NBPF14: variants seen among roughly 807,000 people sequenced by gnomAD.
NBPF14 encodes NBPF family member NBPF14.
NBPF14 carries 104 observed loss-of-function variants against 91.2 expected under a neutral mutation model. The observed-to-expected ratio is 1.14, with a 90% CI of 0.97 to 1.34. NBPF14 has a LOEUF of 1.34. Ranked by LOEUF, NBPF14 falls within the 40% of genes most tolerant of loss-of-function variation. The pLI is 0.00. For synonymous variants in NBPF14, 294 were observed against 303.8 expected, an observed-to-expected ratio of 0.97 and a Z score of 0.34; for missense variants, 908 against 783.0, an observed-to-expected ratio of 1.16 and a Z score of -1.91.
At chr1:148,581,820 A>G (rs1661011055) in intron 12 of NBPF14, among the ~76,000 whole-genome samples, 1 of 149,988 alleles carries the variant, frequency 6.7e-6, no homozygotes, top group Non-Finnish European at 1.5e-5. Context: ...TTCACACATA[A>G]CAATATTAAC....
intron 11 of NBPF14, among the ~76,000 whole-genome samples, chr1:148,583,588 A>C (rs1182064822): frequency 1.1e-3 from 11 of 9,770 alleles, no homozygotes; most frequent in Admixed American, 1.8e-3. Context: ...CTGATAGATA[A>C]ATTTGAACAA....
Position 148,557,659 on chromosome 1 carries a change from T to C in NBPF14, c.4955-117A>G, listed in dbSNP as rs1195321496. The C allele has an allele frequency of 9.8e-6, 6 of 612,458 alleles. 1 individual carries two copies. The highest frequency in any genetic ancestry group is 5.4e-5 in the African/African-American group (2 of 36,898). 37.9% of individuals were successfully genotyped at this position (612,458 alleles called of 1,614,324 possible). On this transcript the variant is annotated intron_variant, in intron 39 of 70. Transcript: ENST00000619423. ...GCTCCTCAGCATGAGAACAGGACCA[T>C]GTGAGAGATATACTTCAGGAGGCCT...
Position 148,572,428 on chromosome 1 carries a change from C to A in NBPF14, c.2758+15G>T, listed in dbSNP as rs1173366246. 6.4e-6 allele frequency: 3 copies of A among 467,656 alleles called. No homozygotes were observed. Among genetic ancestry groups the A allele is most frequent in the Non-Finnish European group, 1.1e-5 (3 of 277,394 alleles). The allele number at this position is 467,656 out of a possible 1,614,324, so 29.0% of individuals were successfully genotyped here. ...ACCAGGTGGAGGCTTATCACCTTCA[C>A]AGTAAGGTACTCACTGTCCACGTCA... On this transcript the variant is annotated intron_variant, in intron 21 of 70. Transcript: ENST00000619423.
chr1:148,592,742 A>G (rs1662702690), exon 4 of NBPF14: 1 of 1,585,080 alleles, frequency 6.3e-7, no homozygotes, highest in Admixed American at 1.7e-5. Context: ...CTCGTTCCTG[A>G]GAGTGAACCA....
In NBPF14 at chr1:148,577,434, C is replaced by T. The variant is rs1409413105; in HGVS notation, c.1854-79G>A. On this transcript the variant is annotated intron_variant, in intron 14 of 70. Coordinates refer to ENST00000619423, the Ensembl canonical transcript of NBPF14. ...AGCCCCAGCTAGATTTCATGGCTAA[C>T]GTAAGGAAGAGTTTGAAAAGAAAAA... 59 of 652,464 alleles carry T rather than the reference C, an allele frequency of 9.0e-5. 1 individual carries two copies. Among genetic ancestry groups the T allele is most frequent in the Admixed American group, 4.5e-4 (21 of 46,228 alleles). The allele number at this position is 652,464 out of a possible 1,614,324, so 40.4% of individuals were successfully genotyped here.
At chr1:148,577,519 A>T (rs1457083694) in intron 14 of NBPF14, among the ~76,000 whole-genome samples, 164 bp from the exon 15 acceptor site, 1 of 149,864 alleles carries the variant, frequency 6.7e-6, no homozygotes, top group African/African-American at 2.5e-5. Context: ...GACTATGGCC[A>T]GGTAGAAAAG....
At chr1:148,560,268 C>T (rs1657584845) in intron 36 of NBPF14, among the ~76,000 whole-genome samples, 2 of 145,732 alleles carry the variant, frequency 1.4e-5, no homozygotes, top group Non-Finnish European at 3.0e-5. Context: ...GAGTTAGTGC[C>T]CTCATGACAC....
chr1:148,572,472 T>C lies in NBPF14; in HGVS notation c.2729A>G (p.Gln910Arg), dbSNP rs1482434298. 5 of 549,288 alleles carry C rather than the reference T, an allele frequency of 9.1e-6. 1 individual carries two copies. The highest frequency in any genetic ancestry group is 1.6e-5 in the Non-Finnish European group (5 of 318,866). The allele number at this position is 549,288 out of a possible 1,614,324, so 34.0% of individuals were successfully genotyped here. ...CACGTCAAGAGCCAAGCCAAGGTAC[T>C]GTTCCTCCAATGAGTAAACAGCACT... The change falls in exon 21 of 71, where the codon CAG becomes CGG. Residue 910 changes from glutamine (Q) to arginine (R), a missense_variant. Gln to Arg is a conservative substitution (Grantham distance 43). Coordinates refer to ENST00000619423, the Ensembl canonical transcript of NBPF14.
At position 148,572,629 on chromosome 1, in the gene NBPF14, A is replaced by G. The variant is rs1426957596; in HGVS notation, c.2586-14T>C. 6 of 583,750 alleles carry G rather than the reference A, an allele frequency of 1.0e-5. 1 individual carries two copies. Among genetic ancestry groups the G allele is most frequent in the Non-Finnish European group, 1.8e-5 (6 of 335,626 alleles). 36.2% of individuals were successfully genotyped at this position (583,750 alleles called of 1,614,324 possible). A position where few individuals can be genotyped will look rare whatever the true frequency, so the allele number is the denominator to read the frequency against. Reference sequence around the variant, plus strand: ...TCCCTGCTGAGCCTGGAAAAGTGGGAAAAAGTAAAGAATAAGCCAGGGGGA... The same window carrying G: ...TCCCTGCTGAGCCTGGAAAAGTGGGGAAAAGTAAAGAATAAGCCAGGGGGA... On this transcript the variant is annotated splice_polypyrimidine_tract_variant and intron_variant, in intron 20 of 70. Coordinates refer to ENST00000619423, the Ensembl canonical transcript of NBPF14.
intron 14 of NBPF14, among the ~76,000 whole-genome samples, chr1:148,577,640 G>A (rs1249334703): frequency 4.0e-4 from 60 of 148,858 alleles, no homozygotes; most frequent in African/African-American, 1.5e-3. Flanking sequence ...GGGAGTCAAA[G>A]GACACTCTGT....
intron 6 of NBPF14, among the ~76,000 whole-genome samples, chr1:148,589,814 C>T (rs1662148648): frequency 1.4e-5 from 2 of 148,018 alleles, no homozygotes; most frequent in East Asian, 1.9e-4. Context: ...CTCACTGCCA[C>T]CTCTGCCGTC....
rs1436994430 is a variant in NBPF14 at position 148,587,464 on chromosome 1, C to T, written c.989-61G>A. 8.8e-6 allele frequency: 13 copies of T among 1,485,216 alleles called. 1 individual carries two copies. Among genetic ancestry groups the T allele is most frequent in the Admixed American group, 3.4e-5 (2 of 58,950 alleles). The allele number at this position is 1,485,216 out of a possible 1,614,324, so 92.0% of individuals were successfully genotyped here. On this transcript the variant is annotated intron_variant, in intron 7 of 70. Coordinates refer to ENST00000619423, the Ensembl canonical transcript of NBPF14. ...GCTGGACATGCTGCTGTGGTCATTG[C>T]CTACAGGACAGGAGCCAGGTCCATC... is the stretch of plus-strand genomic sequence containing the variant.
chr1:148,559,448 T>A (rs1471436115), intron 37 of NBPF14, among the ~76,000 whole-genome samples: 1 of 132,706 alleles, frequency 7.5e-6, no homozygotes, highest in Non-Finnish European at 1.5e-5. Flanking sequence ...TAGCGAGGAT[T>A]TCAGACGCTG....
Position 148,534,899 on chromosome 1 carries a change from A to T in NBPF14, c.8442-43T>A, listed in dbSNP as rs1350310533. 6 of 718,050 alleles carry T rather than the reference A, an allele frequency of 8.4e-6. No homozygotes were observed. In the African/African-American group the frequency reaches 1.2e-4, roughly 15 times the overall value. 44.5% of individuals were successfully genotyped at this position (718,050 alleles called of 1,614,324 possible). A position where few individuals can be genotyped will look rare whatever the true frequency, so the allele number is the denominator to read the frequency against. On this transcript the variant is annotated intron_variant, in intron 68 of 70. Coordinates refer to ENST00000619423, the Ensembl canonical transcript of NBPF14. ...AGTAAAGAATAAGCCAGGGGGAATC[A>T]GAAACCACACAGCCCCAGCTAGATT...
intron 70 of NBPF14, among the ~76,000 whole-genome samples, chr1:148,533,544 C>T (rs1654165645): frequency 2.7e-5 from 4 of 150,016 alleles, no homozygotes; most frequent in African/African-American, 7.5e-5. Flanking sequence ...TGAGTTAGTG[C>T]CCTCATGACA....
At chr1:148,566,426 G>C (rs1203498706) in intron 28 of NBPF14, 111 bp from the exon 29 acceptor site, 5 of 608,768 alleles carry the variant, frequency 8.2e-6, no homozygotes, top group South Asian at 2.0e-5. Flanking sequence ...TAAAAGGATA[G>C]ATCCATTAAT....
At chr1:148,534,518 T>A (rs1654618487) in intron 69 of NBPF14, among the ~76,000 whole-genome samples, 166 bp downstream of exon 69, 4 of 151,916 alleles carry the variant, frequency 2.6e-5, no homozygotes, top group Non-Finnish European at 1.5e-5. Context: ...ATTTCATGTC[T>A]AGGCTTCCAG....
intron 13 of NBPF14, 108 bp downstream of exon 13, chr1:148,578,966 C>G: frequency 1.5e-6 from 1 of 664,184 alleles, no homozygotes; most frequent in Non-Finnish European, 2.7e-6. Flanking sequence ...AGGTTCAGCC[C>G]ACGGTGATGG....
At chr1:148,577,489 A>G in intron 14 of NBPF14, 134 bp from the exon 15 acceptor site, 1 of 705,060 alleles carries the variant, frequency 1.4e-6, no homozygotes. Flanking sequence ...GTAACAAATT[A>G]TTGCCTTTAT....
Sources: allele counts gnomAD v4.1 joint callset (sites outside exome capture counted in the v4.1 genomes callset), GRCh38; gene constraint gnomAD v4.1.1; transcripts MANE v1.5; gene names NCBI Gene and HGNC (gene_info 2026-07-23, HGNC 2026-07-21).